Variants in ZCWPW1 observed in about 807,000 individuals in gnomAD.
ZCWPW1 encodes the protein zinc finger CW-type and PWWP domain containing 1.
In ZCWPW1, 56 loss-of-function variants were observed where a neutral mutation model predicts 81.3. That is an observed-to-expected ratio of 0.69 (90% CI 0.56 to 0.86). ZCWPW1 has a LOEUF of 0.86. Among genes scored for constraint, ZCWPW1 ranks in the 40% least tolerant of loss-of-function variants. The probability of loss-of-function intolerance (pLI) is 0.00; values close to 1 mark genes in which losing one functional copy is unlikely to be tolerated. For synonymous variants in ZCWPW1, 250 were observed against 273.7 expected, an observed-to-expected ratio of 0.91 and a Z score of 0.86; for missense variants, 650 against 769.8, an observed-to-expected ratio of 0.84 and a Z score of 1.84.
At chr7:100,413,353 T>C (rs1441977722) in intron 8 of ZCWPW1, among the ~76,000 whole-genome samples, 3 of 152,246 alleles carry the variant, frequency 2.0e-5, no homozygotes, top group Non-Finnish European at 4.4e-5. Context: ...ACTGGCTTTC[T>C]TTTAGTATCT....
chr7:100,402,466 T>G (rs777966745), intron 16 of ZCWPW1, 50 bp downstream of exon 16: 3 of 1,600,604 alleles, frequency 1.9e-6, no homozygotes, highest in Non-Finnish European at 2.6e-6. Context: ...TCTCTACCAC[T>G]TCCCTGCCTT....
chr7:100,407,285 T>C lies in ZCWPW1; in HGVS notation c.1011A>G (p.Glu337=). ...YGYPWWPGMI[E]SDPDLGEYFL... Reference sequence around the variant, plus strand: ...AATATTCCCCTAAGTCAGGATCAGATTCTATCATGCCTGGCCACCTGGAGA... The same window carrying C: ...AATATTCCCCTAAGTCAGGATCAGACTCTATCATGCCTGGCCACCTGGAGA... The change falls in exon 11 of 18, where the codon GAA becomes GAG. Residue 337 remains glutamate (E), a synonymous_variant. Coordinates refer to ENST00000684423, the MANE Select transcript of ZCWPW1 (RefSeq NM_001386010.1). 1 of 1,613,848 alleles carries C rather than the reference T, an allele frequency of 6.2e-7. No homozygotes were observed. Among genetic ancestry groups the C allele is most frequent in the Non-Finnish European group, 8.5e-7 (1 of 1,179,872 alleles).
At chr7:100,407,778 G>A (rs546436287) in intron 10 of ZCWPW1, among the ~76,000 whole-genome samples, 56 of 152,204 alleles carry the variant, frequency 3.7e-4, no homozygotes, top group Non-Finnish European at 6.9e-4. Flanking sequence ...AATGACTCGT[G>A]AGAAAGTGAC....
chr7:100,420,467 C>A (rs944308072), intron 3 of ZCWPW1, among the ~76,000 whole-genome samples, 155 bp downstream of exon 3: 1 of 152,132 alleles, frequency 6.6e-6, no homozygotes, highest in Non-Finnish European at 1.5e-5. Flanking sequence ...GTTTTTAAGT[C>A]ATATTTATTT....
chr7:100,407,326 G>C (rs1040540317), intron 10 of ZCWPW1, 23 bp from the exon 11 acceptor site: 1 of 1,603,636 alleles, frequency 6.2e-7, no homozygotes, highest in Non-Finnish European at 8.5e-7. Flanking sequence ...GTTGGGTGTA[G>C]GGGACAGAAG....
chr7:100,427,243 T>G (rs868835460), intron 1 of ZCWPW1, among the ~76,000 whole-genome samples: 7 of 96,250 alleles, frequency 7.3e-5, no homozygotes, highest in African/African-American at 3.0e-4. Context: ...CCTCCTTCCT[T>G]CCTCCCCCTT....
intron 17 of ZCWPW1, 30 bp from the exon 18 acceptor site, chr7:100,401,366 C>A: frequency 6.6e-7 from 1 of 1,506,992 alleles, no homozygotes; most frequent in South Asian, 1.4e-5. Context: ...AGCCAAGAGT[C>A]CTATTAGGTC....
intron 2 of ZCWPW1, among the ~76,000 whole-genome samples, chr7:100,421,416 G>A (rs1796318783): frequency 6.6e-6 from 1 of 152,134 alleles, no homozygotes; most frequent in Non-Finnish European, 1.5e-5. Context: ...TGACCTCAGA[G>A]GTCTCTGTGC....
chr7:100,418,068 A>G (rs1031128787), intron 5 of ZCWPW1, among the ~76,000 whole-genome samples: 5 of 152,000 alleles, frequency 3.3e-5, no homozygotes, highest in African/African-American at 1.2e-4. Context: ...TATTTTTAGT[A>G]GAGACGGGGT....
chr7:100,418,330 T>C (rs1795731197), intron 5 of ZCWPW1, among the ~76,000 whole-genome samples: 1 of 152,182 alleles, frequency 6.6e-6, no homozygotes, highest in South Asian at 2.1e-4. Flanking sequence ...TGTTTGTAAA[T>C]ACATGGAAAC....
chr7:100,412,591 A>T lies in ZCWPW1; in HGVS notation c.755-3047T>A, dbSNP rs376542362. 7.9e-3 allele frequency among the ~76,000 whole-genome samples: 1,186 copies of T among 149,254 alleles called. 20 individuals carry two copies. The highest frequency in any genetic ancestry group is 0.028 in the African/African-American group (1,119 of 40,290). On this transcript the variant is annotated intron_variant, in intron 8 of 17. Coordinates refer to ENST00000684423, the MANE Select transcript of ZCWPW1 (RefSeq NM_001386010.1). Reference sequence around the variant, plus strand: ...AATCCATTTTATTTTTTTTTTATTTATTTTTTTTGAGACGGAGTCTCGCTC... The same window carrying T: ...AATCCATTTTATTTTTTTTTTATTTTTTTTTTTTGAGACGGAGTCTCGCTC...
intron 8 of ZCWPW1, among the ~76,000 whole-genome samples, chr7:100,414,465 G>A (rs1794798887): frequency 6.6e-6 from 1 of 152,090 alleles, no homozygotes; most frequent in Non-Finnish European, 1.5e-5. Context: ...ACCAAGGCTG[G>A]AGGGCAGTGG....
At chr7:100,427,247 C>T (rs1390799606) in intron 1 of ZCWPW1, among the ~76,000 whole-genome samples, 2 of 101,682 alleles carry the variant, frequency 2.0e-5, no homozygotes, top group South Asian at 7.6e-4. Context: ...CTTCCTTCCT[C>T]CCCCTTCCCT....
intron 9 of ZCWPW1, 141 bp from the exon 10 acceptor site, chr7:100,408,800 A>T: frequency 5.1e-6 from 5 of 982,992 alleles, no homozygotes; most frequent in Non-Finnish European, 7.1e-6. Context: ...ATCAGCACAG[A>T]GGAAGAATAA....
chr7:100,402,608 A>T (rs1180919383), intron 15 of ZCWPW1, 32 bp from the exon 16 acceptor site: 1 of 1,604,368 alleles, frequency 6.2e-7, no homozygotes, highest in African/African-American at 1.3e-5. Flanking sequence ...TAAAAAAATG[A>T]TAAATCAAGG....
At chr7:100,425,425 G>A (rs951895735) in intron 1 of ZCWPW1, among the ~76,000 whole-genome samples, 1 of 152,046 alleles carries the variant, frequency 6.6e-6, no homozygotes. Context: ...TAAATAAGGA[G>A]GGAAAAAGAA....
rs1190364584 is a variant in ZCWPW1 at position 100,416,346 on chromosome 7, T to C, written c.590A>G (p.Lys197Arg). The C allele has an allele frequency of 6.2e-7, 1 of 1,614,150 alleles. No homozygotes were observed. The highest frequency in any genetic ancestry group is 1.7e-5 in the Admixed American group (1 of 60,014). The change falls in exon 7 of 18, where the codon AAA becomes AGA. Residue 197 changes from lysine to arginine, a missense_variant. Coordinates refer to ENST00000684423, the MANE Select transcript of ZCWPW1 (RefSeq NM_001386010.1). ...TTTGCTTAAGGTGAGTCTATTGGAT[T>C]TCTTCTTAGAGGGTGCAGGATCTGG... ...GQPDPAPSKK[K>R]SNRLTLSKRK... is the part of the protein sequence containing the mutation.
intron 6 of ZCWPW1, 51 bp downstream of exon 6, chr7:100,417,015 T>G: frequency 7.7e-7 from 1 of 1,295,004 alleles, no homozygotes. Flanking sequence ...TGACTGACCA[T>G]GAATGTGTAG....
chr7:100,408,549 C>T lies in ZCWPW1; in HGVS notation c.982G>A (p.Gly328Ser), dbSNP rs759243395. The T allele has an allele frequency of 7.4e-6, 12 of 1,613,514 alleles. No homozygotes were observed. The highest frequency in any genetic ancestry group is 1.3e-5 in the African/African-American group (1 of 74,884). Residue 328 changes from glycine to serine, a missense_variant, in exon 10 of 18, where the codon GGT (glycine) becomes AGT (serine). Gly to Ser is a moderately conservative substitution (Grantham distance 56). Coordinates refer to ENST00000684423, the MANE Select transcript of ZCWPW1 (RefSeq NM_001386010.1). ...PGSIIWAKQY[G>S]YPWWPGMIES... is the part of the protein sequence containing the mutation. ...GTCATAATGCCCTACCAGGGGTAAC[C>T]GTATTGCTTGGCCCAGATGATGGAT...
Sources: gnomAD v4.1 joint callset for allele counts (sites outside exome capture counted in the v4.1 genomes callset) on GRCh38, gnomAD v4.1.1 for gene constraint, MANE v1.5 for transcripts, NCBI Gene and HGNC (gene_info 2026-07-23, HGNC 2026-07-21) for gene names.